The following UBAC2 variants were observed in gnomAD, a reference collection of about 807,000 sequenced individuals.
UBAC2 encodes the protein ubiquitin-associated domain-containing protein 2.
In UBAC2, 26 loss-of-function variants were observed where a neutral mutation model predicts 44.0. The ratio of observed to expected loss-of-function variants is 0.59; its 90% CI spans 0.43 to 0.82. The LOEUF (loss-of-function observed/expected upper bound fraction) is 0.82, where lower values mean the gene tolerates loss of function less well. Among genes scored for constraint, UBAC2 ranks in the 40% least tolerant of loss-of-function variants. UBAC2 has a pLI of 0.00. For missense variants in UBAC2, 329 were observed against 419.4 expected (o/e 0.78, Z 1.88); for synonymous variants, 155 against 154.3 (o/e 1.00, Z -0.04).
chr13:99,314,259 GATCTT>G, intron 5 of UBAC2, 39 bp downstream of exon 5: 4 of 1,063,178 alleles, frequency 3.8e-6, no homozygotes, highest in Non-Finnish European at 5.1e-6. Context: ...TCTTTAACCA[GATCTT>G]TTTTTTTTTT....
At chr13:99,236,054 C>A (rs1429105151) in intron 1 of UBAC2, among the ~76,000 whole-genome samples, 1 of 152,066 alleles carries the variant, frequency 6.6e-6, no homozygotes, top group African/African-American at 2.4e-5. Context: ...AAAATCAAAT[C>A]GAAATGGATT....
chr13:99,268,570 T>TG lies in UBAC2; in HGVS notation c.389+23947dup, dbSNP rs1188785683. Among the ~76,000 whole-genome samples the TG allele has an allele frequency of 8.5e-5, 11 of 128,792 alleles. No homozygotes were observed. The East Asian group carries it at 2.7e-3, about 31-fold the overall frequency. 84.5% of individuals were successfully genotyped at this position (128,792 alleles called of 152,430 possible). On this transcript the variant is annotated intron_variant, in intron 4 of 8. Coordinates refer to ENST00000403766, the MANE Select transcript of UBAC2 (RefSeq NM_001144072.2). ...CTGCAGTGAGCCATGATCCTGTCAC[T>TG]GCACTCCATTCAGCCTGGGCTACAG... is the stretch of plus-strand genomic sequence containing the variant.
rs765991691 is a variant in UBAC2, at chr13:99,244,646, A to G, written c.389+22A>G. 4 of 1,432,294 alleles carry G rather than the reference A, an allele frequency of 2.8e-6. No homozygotes were observed. The South Asian group carries it at 4.6e-5, about 17-fold the overall frequency. 88.7% of individuals were successfully genotyped at this position (1,432,294 alleles called of 1,614,324 possible). ...GATTGTAAGTAGCACTTAAAGATTGACTTAATTTAGAACTACTTGAATCTG... is the reference window on the plus strand; with the variant it reads ...GATTGTAAGTAGCACTTAAAGATTGGCTTAATTTAGAACTACTTGAATCTG... On this transcript the variant is annotated intron_variant, in intron 4 of 8. Transcript: ENST00000403766.
At chr13:99,371,703 A>C (rs545639549) in intron 8 of UBAC2, among the ~76,000 whole-genome samples, 1 of 152,334 alleles carries the variant, frequency 6.6e-6, no homozygotes, top group South Asian at 2.1e-4. Context: ...TTAATGCATT[A>C]AGAAACTTAG....
chr13:99,252,281 G>A (rs1218467264), intron 4 of UBAC2, among the ~76,000 whole-genome samples: 2 of 152,180 alleles, frequency 1.3e-5, no homozygotes, highest in Admixed American at 6.5e-5. Context: ...ATTATATTAC[G>A]TTGTCATGGT....
intron 1 of UBAC2, among the ~76,000 whole-genome samples, chr13:99,230,526 G>C (rs2043160617): frequency 6.6e-6 from 1 of 152,172 alleles, no homozygotes; most frequent in Non-Finnish European, 1.5e-5. Flanking sequence ...TTGGAGGCCA[G>C]AAGTCCAAAA....
At chr13:99,379,771 T>TAA (rs2045526389) in intron 8 of UBAC2, among the ~76,000 whole-genome samples, 1 of 152,372 alleles carries the variant, frequency 6.6e-6, no homozygotes, top group South Asian at 2.1e-4. Flanking sequence ...GTTTCACACT[T>TAA]ACACTGCTCT....
At chr13:99,214,368 CTTTG>C (rs993678103) in intron 1 of UBAC2, among the ~76,000 whole-genome samples, 76 of 151,906 alleles carry the variant, frequency 5.0e-4, no homozygotes, top group African/African-American at 1.2e-3. Context: ...TGGGTTTCCT[CTTTG>C]TTTGTGGGTA....
At chr13:99,375,801 C>CTTTTTTTTT (rs34318354) in intron 8 of UBAC2, among the ~76,000 whole-genome samples, 7 of 110,888 alleles carry the variant, frequency 6.3e-5, no homozygotes, top group South Asian at 3.1e-4. Context: ...TCCTTTTTCC[C>CTTTTTTTTT]TTTTTTTTTT....
chr13:99,325,402 C>G (rs970980730), intron 6 of UBAC2, among the ~76,000 whole-genome samples: 1 of 152,146 alleles, frequency 6.6e-6, no homozygotes, highest in Admixed American at 6.5e-5. Context: ...AGTGCCCGGC[C>G]TATGTCTATG....
intron 1 of UBAC2, among the ~76,000 whole-genome samples, chr13:99,216,008 T>C (rs897521543): frequency 1.3e-5 from 2 of 152,238 alleles, no homozygotes; most frequent in Admixed American, 6.5e-5. Flanking sequence ...TGTTTTGTTA[T>C]AGGTTGGTGC....
chr13:99,369,885 A>G (rs1388594704), intron 8 of UBAC2, among the ~76,000 whole-genome samples: 2 of 152,242 alleles, frequency 1.3e-5, no homozygotes, highest in African/African-American at 4.8e-5. Context: ...TCGTAAGGGA[A>G]AATAAGATAA....
intron 4 of UBAC2, among the ~76,000 whole-genome samples, chr13:99,299,067 AATT>A: frequency 6.6e-6 from 1 of 152,294 alleles, no homozygotes; most frequent in South Asian, 2.1e-4. Flanking sequence ...CCATATGAAT[AATT>A]ATTATTGTAG....
chr13:99,314,001 GA>G (rs1377419393), intron 4 of UBAC2, 95 bp from the exon 5 acceptor site: 8 of 1,199,032 alleles, frequency 6.7e-6, no homozygotes, highest in East Asian at 4.8e-5. Flanking sequence ...CTTTCAGACT[GA>G]AATAAAATTA....
At chr13:99,271,157 A>G (rs1313563438) in intron 4 of UBAC2, among the ~76,000 whole-genome samples, 1 of 152,170 alleles carries the variant, frequency 6.6e-6, no homozygotes, top group Non-Finnish European at 1.5e-5. Context: ...AAAATTTGTA[A>G]TATATATATG....
At chr13:99,210,879 T>C (rs2042930592) in intron 1 of UBAC2, among the ~76,000 whole-genome samples, 1 of 152,202 alleles carries the variant, frequency 6.6e-6, no homozygotes, top group Non-Finnish European at 1.5e-5. Flanking sequence ...CACAAAGTGC[T>C]GGGATTACAG....
intron 7 of UBAC2, among the ~76,000 whole-genome samples, chr13:99,350,591 C>G (rs2045069615): frequency 6.6e-6 from 1 of 152,230 alleles, no homozygotes; most frequent in African/African-American, 2.4e-5. Flanking sequence ...GGGCCATGCC[C>G]CATGCCTTGC....
intron 8 of UBAC2, among the ~76,000 whole-genome samples, chr13:99,368,163 A>G (rs1438601996): frequency 6.6e-6 from 1 of 152,142 alleles, no homozygotes; most frequent in Non-Finnish European, 1.5e-5. Flanking sequence ...CTTACACTTC[A>G]TATATACAAG....
chr13:99,344,975 A>C (rs2044951634), intron 7 of UBAC2, among the ~76,000 whole-genome samples: 1 of 152,234 alleles, frequency 6.6e-6, no homozygotes. Flanking sequence ...TTACTGAAGC[A>C]CCCATGCAGT....
Sources: allele counts gnomAD v4.1 joint callset (sites outside exome capture counted in the v4.1 genomes callset), GRCh38; gene constraint gnomAD v4.1.1; transcripts MANE v1.5; gene names NCBI Gene and HGNC (gene_info 2026-07-23, HGNC 2026-07-21).